Variants in DEPDC5 observed in about 807,000 individuals in gnomAD.
The protein encoded by DEPDC5 is GATOR1 complex protein DEPDC5.
A neutral mutation model predicts 217.3 loss-of-function variants in DEPDC5; 73 were observed. That is an observed-to-expected ratio of 0.34 (90% CI 0.28 to 0.41). The LOEUF is 0.41. Among genes scored for constraint, DEPDC5 ranks in the 10% least tolerant of loss-of-function variants. The pLI, the probability that DEPDC5 is intolerant of heterozygous loss-of-function variation, is 1.00. For synonymous variants in DEPDC5, 733 were observed against 756.7 expected (o/e 0.97, Z 0.51); for missense variants, 1,675 against 2,070.1 (o/e 0.81, Z 3.70).
At chr22:31,806,495 C>G (rs1287142903) in intron 18 of DEPDC5, among the ~76,000 whole-genome samples, 1 of 152,234 alleles carries the variant, frequency 6.6e-6, no homozygotes, top group African/African-American at 2.4e-5. Flanking sequence ...AATAACAAGG[C>G]CAAGGCCAGA....
intron 33 of DEPDC5, among the ~76,000 whole-genome samples, chr22:31,865,239 C>T (rs900739033): frequency 2.6e-5 from 4 of 152,100 alleles, no homozygotes; most frequent in African/African-American, 9.7e-5. Flanking sequence ...GCATGTAATC[C>T]CAGCACTTTG....
chr22:31,798,521 TTAAAA>T (rs1203859140), intron 13 of DEPDC5, 56 bp from the exon 14 acceptor site: 1 of 1,489,480 alleles, frequency 6.7e-7, no homozygotes, highest in African/African-American at 1.4e-5. Context: ...TCGTTTAAAA[TTAAAA>T]AAAAAAGTTC....
chr22:31,770,163 A>G (rs1047655680), intron 7 of DEPDC5, among the ~76,000 whole-genome samples: 3 of 150,632 alleles, frequency 2.0e-5, no homozygotes, highest in South Asian at 2.1e-4. Flanking sequence ...GAGCCCTGGG[A>G]GGTTGGGGCT....
chr22:31,778,192 TG>T, intron 8 of DEPDC5, 24 bp downstream of exon 8: 1 of 1,608,038 alleles, frequency 6.2e-7, no homozygotes, highest in East Asian at 2.2e-5. Context: ...AATGCTTTTT[TG>T]GTTTTATCTC....
At chr22:31,850,932 G>C (rs1000388905) in intron 31 of DEPDC5, among the ~76,000 whole-genome samples, 1 of 152,140 alleles carries the variant, frequency 6.6e-6, no homozygotes, top group African/African-American at 2.4e-5. Flanking sequence ...AGCTGGCATG[G>C]TGGCACGTAC....
intron 37 of DEPDC5, among the ~76,000 whole-genome samples, chr22:31,877,461 A>AC (rs1430604513): frequency 6.1e-5 from 9 of 146,512 alleles, no homozygotes; most frequent in Non-Finnish European, 1.3e-4. Context: ...AAAAAAAAAA[A>AC]AAAAAACAGG....
In DEPDC5 at chr22:31,905,962, A is replaced by C. The variant is rs780600120; in HGVS notation, c.4437-22A>C. ...TTTAACTAAGGAGGCGCTGATTAGC[A>C]TGTCTTCCTGTCCTTCCCTAGGTTT... is the stretch of plus-strand genomic sequence containing the variant. On this transcript the variant is annotated intron_variant, in intron 41 of 42. Coordinates refer to ENST00000651528, the MANE Select transcript of DEPDC5 (RefSeq NM_001242896.3). 14 of 1,608,604 alleles carry C rather than the reference A, an allele frequency of 8.7e-6. No homozygotes were observed. In the Admixed American group the frequency reaches 1.8e-4, roughly 21 times the overall value.
At chr22:31,877,774 A>C (rs909570809) in intron 37 of DEPDC5, among the ~76,000 whole-genome samples, 10 of 135,572 alleles carry the variant, frequency 7.4e-5, no homozygotes, top group Admixed American at 1.5e-4. Context: ...AAAAAAAAAA[A>C]CAGCAAAAAC....
At chr22:31,768,106 T>TA (rs200658694) in intron 6 of DEPDC5, among the ~76,000 whole-genome samples, 5,000 of 151,510 alleles carry the variant, frequency 0.033, 100 homozygotes, top group South Asian at 0.064. Flanking sequence ...AATTTTTTTT[T>TA]ATTTCCGTGT....
chr22:31,800,180 C>T (rs1057051054), intron 14 of DEPDC5, among the ~76,000 whole-genome samples: 1 of 152,042 alleles, frequency 6.6e-6, no homozygotes, highest in Non-Finnish European at 1.5e-5. Context: ...TCTATTAAGT[C>T]CTGAGTCTGT....
chr22:31,877,535 A>G (rs2093035452), intron 37 of DEPDC5, among the ~76,000 whole-genome samples: 1 of 149,970 alleles, frequency 6.7e-6, no homozygotes, highest in South Asian at 2.1e-4. Context: ...GCAGATCACA[A>G]GGTCAGGAGT....
At chr22:31,847,738 C>A (rs2091824549) in intron 31 of DEPDC5, among the ~76,000 whole-genome samples, 1 of 152,184 alleles carries the variant, frequency 6.6e-6, no homozygotes, top group Admixed American at 6.5e-5. Context: ...GGGGACACAG[C>A]CAAACCATAT....
At chr22:31,885,184 A>G (rs2149327272) in intron 38 of DEPDC5, among the ~76,000 whole-genome samples, 1 of 152,190 alleles carries the variant, frequency 6.6e-6, no homozygotes, top group East Asian at 1.9e-4. Context: ...CTCCCAGCTC[A>G]CTCGAAACCA....
chr22:31,861,219 C>T, intron 32 of DEPDC5, 149 bp from the exon 33 acceptor site: 1 of 493,042 alleles, frequency 2.0e-6, no homozygotes, highest in Non-Finnish European at 3.7e-6. Flanking sequence ...CTTCATATGT[C>T]CTTGTTTCTC....
chr22:31,762,959 C>T (rs961507940), intron 4 of DEPDC5, among the ~76,000 whole-genome samples: 5 of 151,532 alleles, frequency 3.3e-5, no homozygotes, highest in Non-Finnish European at 4.4e-5. Context: ...GGACTACAGG[C>T]GTGCACCACC....
Position 31,798,602 on chromosome 22 carries a change from A to G in DEPDC5, c.892A>G (p.Asn298Asp). Residue 298 changes from asparagine to aspartate, a missense_variant, in exon 14 of 43, where the codon AAT becomes GAT. By Grantham distance (23) the Asn-to-Asp change is conservative. This residue lies in a region of DEPDC5 where 628 missense variants were observed against 762.1 expected (regional missense o/e 0.82). Transcript: ENST00000651528. Reference protein sequence around the residue: ...EQAEGFPQGDNSTSAQGNYLE... With the variant: ...EQAEGFPQGDDSTSAQGNYLE... ...TTCAGAGGGCTTTCCTCAAGGAGAT[A>G]ATTCTACCTCAGCACAAGGAAACTA... is the stretch of plus-strand genomic sequence containing the variant. The G allele has an allele frequency of 6.2e-7, 1 of 1,611,470 alleles. No homozygotes were observed. Among genetic ancestry groups the G allele is most frequent in the East Asian group, 2.2e-5 (1 of 44,782 alleles).
intron 31 of DEPDC5, 108 bp from the exon 32 acceptor site, chr22:31,857,337 G>C (rs2092339732): frequency 2.4e-6 from 2 of 842,716 alleles, no homozygotes; most frequent in East Asian, 5.4e-5. Context: ...AGGCAGAAGT[G>C]TGTGTTTCAA....
intron 7 of DEPDC5, among the ~76,000 whole-genome samples, chr22:31,772,471 G>A (rs2083448487): frequency 6.6e-6 from 1 of 152,054 alleles, no homozygotes; most frequent in Non-Finnish European, 1.5e-5. Flanking sequence ...GGGTAACTTC[G>A]GTAAACCCTT....
intron 34 of DEPDC5, among the ~76,000 whole-genome samples, chr22:31,871,598 G>A (rs942433776): frequency 6.6e-6 from 1 of 152,166 alleles, no homozygotes; most frequent in African/African-American, 2.4e-5. Context: ...AAGCCTACCT[G>A]GCTTTTTGGC....
Sources: gnomAD v4.1 joint callset for allele counts (sites outside exome capture counted in the v4.1 genomes callset) on GRCh38, gnomAD v4.1.1 for gene constraint, gnomAD v4.1.1 regional missense constraint, MANE v1.5 for transcripts, NCBI Gene and HGNC (gene_info 2026-07-23, HGNC 2026-07-21) for gene names.